The following RALYL variants were observed in gnomAD, a reference collection of about 807,000 sequenced individuals.
RALYL encodes RALY RNA binding protein like, also known as RNA-binding Raly-like protein.
RALYL carries 29 observed loss-of-function variants against 35.1 expected under a neutral mutation model. The ratio of observed to expected loss-of-function variants is 0.83; its 90% CI spans 0.61 to 1.13. The LOEUF is 1.13. RALYL is among the 50% of genes most tolerant of loss of function. The pLI, the probability that RALYL is intolerant of heterozygous loss-of-function variation, is 0.00. For missense variants in RALYL, 359 were observed against 360.4 expected (o/e 1.00, Z 0.03); for synonymous variants, 120 against 127.6 (o/e 0.94, Z 0.40).
chr8:84,679,895 C>T (rs956590686), intron 2 of RALYL: 2 of 343,434 alleles, frequency 5.8e-6, no homozygotes, highest in African/African-American at 4.3e-5. Context: ...TACATGTGCA[C>T]AACGTGCAGG....
At chr8:84,419,797 T>C (rs2045263752) in intron 1 of RALYL, among the ~76,000 whole-genome samples, 2 of 149,244 alleles carry the variant, frequency 1.3e-5, no homozygotes, top group African/African-American at 5.0e-5. Flanking sequence ...ATATGCGGTA[T>C]TTGTTTTTTG....
At chr8:84,477,117 A>G (rs1376135618) in intron 1 of RALYL, among the ~76,000 whole-genome samples, 3 of 152,174 alleles carry the variant, frequency 2.0e-5, no homozygotes, top group African/African-American at 7.2e-5. Context: ...TATGTAAAGT[A>G]CCAATCTGAC....
At chr8:84,206,518 T>C (rs940240140) in intron 1 of RALYL, among the ~76,000 whole-genome samples, 2 of 152,162 alleles carry the variant, frequency 1.3e-5, no homozygotes, top group African/African-American at 4.8e-5. Context: ...ACTGAATTAG[T>C]GCTAAAAGTA....
chr8:84,805,208 A>G (rs1824307871), intron 4 of RALYL, among the ~76,000 whole-genome samples: 1 of 152,118 alleles, frequency 6.6e-6, no homozygotes, highest in African/African-American at 2.4e-5. Flanking sequence ...CACTTCCCTA[A>G]GTCTGTCTTC....
intron 1 of RALYL, among the ~76,000 whole-genome samples, chr8:84,506,754 G>T (rs1489752829): frequency 6.6e-6 from 1 of 151,816 alleles, no homozygotes; most frequent in East Asian, 1.9e-4. Context: ...ATTTTAAATA[G>T]TTTAGTTGAA....
At chr8:84,647,601 T>C (rs1827766809) in intron 2 of RALYL, among the ~76,000 whole-genome samples, 1 of 152,102 alleles carries the variant, frequency 6.6e-6, no homozygotes, top group Admixed American at 6.6e-5. Context: ...AAGAATCTTC[T>C]AGTGTGAGAG....
At chr8:84,462,091 G>A (rs1016329026) in intron 1 of RALYL, among the ~76,000 whole-genome samples, 6 of 151,150 alleles carry the variant, frequency 4.0e-5, no homozygotes, top group South Asian at 4.2e-4. Context: ...TCATACTTCC[G>A]TGCCACCTTT....
chr8:84,633,125 T>C (rs1824281040), intron 2 of RALYL, among the ~76,000 whole-genome samples: 1 of 151,954 alleles, frequency 6.6e-6, no homozygotes, highest in Non-Finnish European at 1.5e-5. Flanking sequence ...GAGGTTTTTT[T>C]TTTAATATTG....
At chr8:84,574,158 C>G (rs922557763) in intron 2 of RALYL, among the ~76,000 whole-genome samples, 1 of 151,952 alleles carries the variant, frequency 6.6e-6, no homozygotes, top group African/African-American at 2.4e-5. Flanking sequence ...CTTTTTGAGG[C>G]ATATTTTAAA....
At chr8:84,662,824 A>G (rs1328374564) in intron 2 of RALYL, among the ~76,000 whole-genome samples, 1 of 152,096 alleles carries the variant, frequency 6.6e-6, no homozygotes, top group Non-Finnish European at 1.5e-5. Flanking sequence ...TTATTTATTT[A>G]CTTTTTGGAT....
intron 1 of RALYL, among the ~76,000 whole-genome samples, chr8:84,285,409 A>G (rs987509803): frequency 2.0e-5 from 3 of 152,204 alleles, no homozygotes; most frequent in Non-Finnish European, 4.4e-5. Flanking sequence ...ATTGTTAGTA[A>G]GATATGCACA....
intron 1 of RALYL, among the ~76,000 whole-genome samples, chr8:84,230,397 AT>A (rs1210929926): frequency 6.6e-6 from 1 of 152,158 alleles, no homozygotes; most frequent in African/African-American, 2.4e-5. Flanking sequence ...GTTAATATGG[AT>A]GACAAAAATA....
intron 2 of RALYL, among the ~76,000 whole-genome samples, chr8:84,738,321 A>G (rs78802150): frequency 1.3e-5 from 2 of 152,120 alleles, no homozygotes; most frequent in East Asian, 3.9e-4. Context: ...CAAGAGACAT[A>G]GTTAAGACCA....
intron 2 of RALYL, among the ~76,000 whole-genome samples, chr8:84,661,095 AT>A (rs1251552999): frequency 6.6e-6 from 1 of 151,544 alleles, no homozygotes; most frequent in African/African-American, 2.4e-5. Context: ...TGCCCGGCTA[AT>A]TTTTTGTATT....
intron 1 of RALYL, among the ~76,000 whole-genome samples, chr8:84,323,075 A>G (rs1845175229): frequency 1.3e-5 from 2 of 152,072 alleles, no homozygotes; most frequent in Admixed American, 6.6e-5. Context: ...TGTTTTTCAC[A>G]GAAAATATAT....
rs367557903 is a variant in RALYL, at chr8:84,622,519, A to G, written c.256+92942A>G. On this transcript the variant is annotated intron_variant, in intron 2 of 8. Coordinates refer to ENST00000521268, the MANE Select transcript of RALYL (RefSeq NM_173848.7). ...CATCATTTCCTAGAAAAACAGCAGC[A>G]ACAAATGTGGGGAAAAGAGGGATGT... 7.9e-5 allele frequency among the ~76,000 whole-genome samples: 12 copies of G among 152,292 alleles called. 1 individual carries two copies. The South Asian group carries it at 1.7e-3, about 21-fold the overall frequency.
At chr8:84,567,237 G>C (rs765688634) in intron 2 of RALYL, among the ~76,000 whole-genome samples, 1 of 151,530 alleles carries the variant, frequency 6.6e-6, no homozygotes, top group African/African-American at 2.4e-5. Context: ...TTTAATTTTA[G>C]ACAGCATGTC....
intron 2 of RALYL, among the ~76,000 whole-genome samples, chr8:84,543,236 G>A (rs974302703): frequency 2.3e-4 from 35 of 151,620 alleles, no homozygotes; most frequent in African/African-American, 8.2e-4. Context: ...AACAGCCAGT[G>A]AATATAAAAT....
intron 8 of RALYL, chr8:84,906,827 C>A (rs1846587511): frequency 5.9e-6 from 2 of 339,664 alleles, no homozygotes; most frequent in African/African-American, 2.2e-5. Context: ...CTGTGCCCAG[C>A]TGGTTCTCCC....
Sources: gnomAD v4.1 joint callset for allele counts (sites outside exome capture counted in the v4.1 genomes callset) on GRCh38, gnomAD v4.1.1 for gene constraint, MANE v1.5 for transcripts, NCBI Gene and HGNC (gene_info 2026-07-23, HGNC 2026-07-21) for gene names.